The following MED17 variants were observed in gnomAD, a reference collection of about 807,000 sequenced individuals.
MED17 encodes the protein mediator complex subunit 17, also known as mediator of RNA polymerase II transcription subunit 17.
Under a neutral mutation model 80.8 loss-of-function variants are expected in MED17, and 49 were observed. That is an observed-to-expected ratio of 0.61 (90% CI 0.48 to 0.77). MED17 has a LOEUF of 0.77. Among genes scored for constraint, MED17 ranks in the 30% least tolerant of loss-of-function variants. The pLI, the probability that MED17 is intolerant of heterozygous loss-of-function variation, is 0.00. For synonymous variants in MED17, 281 were observed against 280.4 expected (o/e 1.00, Z -0.02); for missense variants, 718 against 787.0 (o/e 0.91, Z 1.05).
rs779815013 is a variant in MED17 at position 93,793,947 on chromosome 11, A to G, written c.775-4A>G. 16 of 1,613,940 alleles carry G rather than the reference A, an allele frequency of 9.9e-6. No homozygotes were observed. The East Asian group carries it at 3.6e-4, about 36-fold the overall frequency. ...TAACTTTTTTTGTTTTTGTTGTCAT[A>G]TAGGTTTCAATACAAAAACAGGCTC... is the stretch of plus-strand genomic sequence containing the variant. On this transcript the variant is annotated splice_region_variant and splice_polypyrimidine_tract_variant and intron_variant, in intron 4 of 11. Coordinates refer to ENST00000251871, the MANE Select transcript of MED17 (RefSeq NM_004268.5).
intron 10 of MED17, chr11:93,807,861 G>A (rs1158757793): frequency 2.4e-5 from 13 of 550,388 alleles, no homozygotes; most frequent in Non-Finnish European, 3.9e-5. Context: ...ATGTTAAGAT[G>A]AAGGACCAGT....
chr11:93,793,559 C>T (rs551266551), intron 3 of MED17, 169 bp from the exon 4 acceptor site: 22 of 537,726 alleles, frequency 4.1e-5, no homozygotes, highest in Non-Finnish European at 5.5e-5. Context: ...CTTTATCTTT[C>T]TTTCCTTTGT....
rs202177660 is a variant in MED17 at position 93,790,571 on chromosome 11, C to T, written c.418-3C>T. On this transcript the variant is annotated splice_region_variant and splice_polypyrimidine_tract_variant and intron_variant, in intron 2 of 11. Transcript: ENST00000251871. ...AACTGCATGTTTGGGTTGTTTTTGA[C>T]AGAATCCTCAGACGTTGCAATTGAT... 1.9e-6 allele frequency: 3 copies of T among 1,613,088 alleles called. No individual in the cohort carries two copies. The highest frequency in any genetic ancestry group is 2.2e-5 in the East Asian group (1 of 44,880).
intron 9 of MED17, chr11:93,806,237 C>G (rs1944024160): frequency 6.6e-6 from 1 of 152,122 alleles, no homozygotes; most frequent in Non-Finnish European, 1.5e-5. Flanking sequence ...TCCCAAAGTG[C>G]TGGGATTACA....
intron 1 of MED17, among the ~76,000 whole-genome samples, chr11:93,786,337 C>A (rs539741071): frequency 1.3e-5 from 2 of 152,260 alleles, no homozygotes; most frequent in African/African-American, 2.4e-5. Context: ...ATACTCTTTC[C>A]ATGCACAAAA....
rs780488041 is a variant in MED17, at chr11:93,795,079, C to A, written c.1012+19C>A. On this transcript the variant is annotated intron_variant, in intron 6 of 11. Transcript: ENST00000251871. The stretch of plus-strand genomic sequence containing the variant: ...TTTCCGAGTAAGAGCAGCCCTTTTT[C>A]GACTTTATGAACAGGACTTTGTGTT... 1 of 1,613,844 alleles carries A rather than the reference C, an allele frequency of 6.2e-7. No individual in the cohort carries two copies. The highest frequency in any genetic ancestry group is 8.5e-7 in the Non-Finnish European group (1 of 1,179,886).
In MED17 at chr11:93,797,602, GA is replaced by G; in HGVS notation, c.1213del (p.Met405Ter). 1 of 1,614,112 alleles carries G rather than the reference GA, an allele frequency of 6.2e-7. No individual in the cohort carries two copies. Among genetic ancestry groups the G allele is most frequent in the Non-Finnish European group, 8.5e-7 (1 of 1,179,972 alleles). On this transcript the variant is annotated frameshift_variant, in exon 8 of 12. Transcript: ENST00000251871. LOFTEE classifies it high-confidence loss of function. ...HPASAPFGHK[R>X]MRLSGPQAFD... is the part of the protein sequence containing the mutation. ...GCAAGTGCACCTTTTGGCCACAAGA[GA>G]ATGAGACTTTCGGGTCCTCAAGCTT...
rs1719155668 is a variant in MED17 at position 93,807,066 on chromosome 11, A to AG, written c.1467-452_1467-451insG. ...TTCTGGGGTGAGTCTGTTTAGTTGA[A>AG]CCTAAGAAGACACCTGCATCTCCTC... On this transcript the variant is annotated intron_variant, in intron 9 of 11. Transcript: ENST00000251871. The AG allele has an allele frequency of 4.9e-5, 9 of 181,970 alleles. No homozygotes were observed. The Middle Eastern group carries it at 0.011, about 215-fold the overall frequency. 11.3% of individuals were successfully genotyped at this position (181,970 alleles called of 1,614,324 possible).
intron 1 of MED17, chr11:93,785,034 A>G: frequency 3.5e-6 from 2 of 571,862 alleles, no homozygotes; most frequent in Non-Finnish European, 6.2e-6. Context: ...GCTTCTCTGT[A>G]GAGGGCCTTT....
intron 3 of MED17, 128 bp from the exon 4 acceptor site, chr11:93,793,600 A>G (rs1286802462): frequency 5.6e-6 from 4 of 714,054 alleles, no homozygotes; most frequent in South Asian, 3.6e-5. Context: ...CCCCCAAAAC[A>G]TATGTTTTTT....
intron 8 of MED17, chr11:93,801,466 G>A (rs1238733559): frequency 4.2e-6 from 1 of 236,968 alleles, no homozygotes; most frequent in East Asian, 1.0e-4. Context: ...ATCAAGTACT[G>A]ACATTTATGA....
At chr11:93,784,801 G>T in intron 1 of MED17, 38 bp downstream of exon 1, 3 of 1,533,236 alleles carry the variant, frequency 2.0e-6, no homozygotes, top group Non-Finnish European at 2.6e-6. Context: ...CCCCGGTCTG[G>T]GTCCCAGCAC....
At chr11:93,793,448 T>G (rs1943863733) in intron 3 of MED17, 8 of 340,202 alleles carry the variant, frequency 2.4e-5, no homozygotes, top group South Asian at 2.3e-4. Context: ...CAATACTCCA[T>G]TGGAATAAAA....
At position 93,812,344 on chromosome 11, in the gene MED17, G is replaced by A. The variant is rs1591392966; in HGVS notation, c.*280G>A. 10 of 512,482 alleles carry A rather than the reference G, an allele frequency of 2.0e-5. No homozygotes were observed. The East Asian group carries it at 3.0e-4, about 16-fold the overall frequency. 31.7% of individuals were successfully genotyped at this position (512,482 alleles called of 1,614,324 possible). ...ATATTACTAACTTAAGGGTTTCTAT[G>A]TGCTTTTTAAAATATTCCTTCTTTG... On this transcript the variant is annotated 3_prime_UTR_variant, in exon 12 of 12. Transcript: ENST00000251871.
rs1290391031 is a variant in MED17, at chr11:93,784,670, T to C, written c.157T>C (p.Ser53Pro). 3.8e-6 allele frequency: 6 copies of C among 1,561,056 alleles called. No individual in the cohort carries two copies. The highest frequency in any genetic ancestry group is 5.2e-6 in the Non-Finnish European group (6 of 1,153,382). The stretch of plus-strand genomic sequence containing the variant: ...CCAGCGGATAGACTTCAGCCAGGGT[T>C]CGGGCTCCGAGGAGGAGGAGGCGGC... Reference protein sequence around the residue: ...LAQRIDFSQGSGSEEEEAAGT... With the variant: ...LAQRIDFSQGPGSEEEEAAGT... Residue 53 changes from serine to proline, a missense_variant, in exon 1 of 12, where the codon TCG becomes CCG. By Grantham distance (74) the Ser-to-Pro change is moderately conservative. Transcript: ENST00000251871.
intron 1 of MED17, among the ~76,000 whole-genome samples, chr11:93,787,286 G>T (rs1943780847): frequency 1.3e-5 from 2 of 152,038 alleles, no homozygotes; most frequent in Non-Finnish European, 2.9e-5. Flanking sequence ...GGTGGTGGGT[G>T]CTTGTAGTCC....
intron 6 of MED17, chr11:93,795,714 TAGAA>T (rs1236023514): frequency 6.5e-6 from 1 of 153,682 alleles, no homozygotes; most frequent in Non-Finnish European, 1.4e-5. Context: ...ACTGTCGTCT[TAGAA>T]GGAAGTAGGT....
intron 9 of MED17, among the ~76,000 whole-genome samples, chr11:93,805,585 A>C (rs902312939): frequency 2.6e-5 from 4 of 152,172 alleles, no homozygotes; most frequent in African/African-American, 9.7e-5. Context: ...TGTCTCAAAA[A>C]AAAGATAAGG....
At chr11:93,796,272 G>C in intron 6 of MED17, 138 bp from the exon 7 acceptor site, 1 of 874,130 alleles carries the variant, frequency 1.1e-6, no homozygotes, top group East Asian at 2.5e-5. Flanking sequence ...TTGATATACA[G>C]ATGTTAATCA....
Sources: gnomAD v4.1 joint callset for allele counts (sites outside exome capture counted in the v4.1 genomes callset) on GRCh38, gnomAD v4.1.1 for gene constraint, MANE v1.5 for transcripts, NCBI Gene and HGNC (gene_info 2026-07-23, HGNC 2026-07-21) for gene names.